Variants in CSNK1G1 observed in about 807,000 individuals in gnomAD.
CSNK1G1 encodes the protein casein kinase 1 gamma 1.
CSNK1G1 carries 22 observed loss-of-function variants against 59.6 expected under a neutral mutation model. The ratio of observed to expected loss-of-function variants is 0.37; its 90% CI spans 0.26 to 0.53. The LOEUF is 0.53. Among genes scored for constraint, CSNK1G1 ranks in the 20% least tolerant of loss-of-function variants. The pLI, the probability that CSNK1G1 is intolerant of heterozygous loss-of-function variation, is 0.89. For synonymous variants in CSNK1G1, 179 were observed against 177.1 expected, an observed-to-expected ratio of 1.01 and a Z score of -0.08; for missense variants, 384 against 519.5, an observed-to-expected ratio of 0.74 and a Z score of 2.54.
At chr15:64,245,724 G>A (rs1456661321) in intron 4 of CSNK1G1, among the ~76,000 whole-genome samples, 1 of 151,160 alleles carries the variant, frequency 6.6e-6, no homozygotes, top group Non-Finnish European at 1.5e-5. Context: ...GGGCAGTATA[G>A]CGAGACCCCG....
chr15:64,235,937 GA>G (rs2082608314), intron 4 of CSNK1G1, among the ~76,000 whole-genome samples: 1 of 152,078 alleles, frequency 6.6e-6, no homozygotes, highest in African/African-American at 2.4e-5. Context: ...ATAACAGGTA[GA>G]AAACTGTTAG....
chr15:64,276,150 G>A (rs1275901399), intron 2 of CSNK1G1, among the ~76,000 whole-genome samples: 1 of 152,088 alleles, frequency 6.6e-6, no homozygotes, highest in Non-Finnish European at 1.5e-5. Context: ...TTTATAAATA[G>A]CATCAAAGCA....
chr15:64,295,515 G>A (rs1284496937), intron 2 of CSNK1G1, among the ~76,000 whole-genome samples: 1 of 152,106 alleles, frequency 6.6e-6, no homozygotes, highest in Non-Finnish European at 1.5e-5. Flanking sequence ...TCAGAGCTAA[G>A]ACCAAAGGCC....
rs1555497148 is a variant in CSNK1G1 at position 64,169,233 on chromosome 15, C to CA, written c.*2697_*2698insT. 6.9e-6 allele frequency: 1 copy of CA among 145,664 alleles called. No homozygotes were observed. The highest frequency in any genetic ancestry group is 6.8e-5 in the Admixed American group (1 of 14,632). The allele number at this position is 145,664 out of a possible 1,614,324, so 9.0% of individuals were successfully genotyped here. A position where few individuals can be genotyped will look rare whatever the true frequency, so the allele number is the denominator to read the frequency against. On this transcript the variant is annotated 3_prime_UTR_variant, in exon 12 of 12. Coordinates refer to ENST00000303052, the MANE Select transcript of CSNK1G1 (RefSeq NM_022048.5). Reference sequence around the variant, plus strand: ...GGCATTCCCACCATTTCCCTCTGCCCTTTTTTTTTTTTCTTTTTAGACAGA... The same window carrying CA: ...GGCATTCCCACCATTTCCCTCTGCCCATTTTTTTTTTTTCTTTTTAGACAGA...
rs957201559 is a variant in CSNK1G1, at chr15:64,293,042, T to C, written c.181+7277A>G. On this transcript the variant is annotated intron_variant, in intron 2 of 11. Transcript: ENST00000303052. Reference sequence around the variant, plus strand: ...TTTTCTTAACTCTAGAGGAAAATAATTTTATTTTAATGTTTACATGATTCT... The same window carrying C: ...TTTTCTTAACTCTAGAGGAAAATAACTTTATTTTAATGTTTACATGATTCT... Among the ~76,000 whole-genome samples the C allele has an allele frequency of 9.2e-5, 14 of 152,178 alleles. 1 individual carries two copies. Among genetic ancestry groups the C allele is most frequent in the Admixed American group, 8.5e-4 (13 of 15,274 alleles).
intron 10 of CSNK1G1, chr15:64,181,093 T>C: frequency 7.3e-7 from 1 of 1,367,266 alleles, no homozygotes; most frequent in Middle Eastern, 2.4e-4. Flanking sequence ...CTTTGAGCAC[T>C]GGTTCGAAGT....
rs1425696069 is a variant in CSNK1G1 at position 64,166,106 on chromosome 15, A to G, written c.*5825T>C. The G allele has an allele frequency of 3.3e-6, 2 of 612,004 alleles. No individual in the cohort carries two copies. The highest frequency in any genetic ancestry group is 3.8e-5 in the African/African-American group (2 of 52,926). 37.9% of individuals were successfully genotyped at this position (612,004 alleles called of 1,614,324 possible). A position where few individuals can be genotyped will look rare whatever the true frequency, so the allele number is the denominator to read the frequency against. ...CTAAAAAAAAAAAAAGTAAAAAAAG[A>G]GGCATTTAACAATAATCAGACACAT... On this transcript the variant is annotated 3_prime_UTR_variant, in exon 12 of 12. Transcript: ENST00000303052. The surrounding 1 kb of genome is among the most constrained non-coding windows in gnomAD (Gnocchi z 4.5).
Position 64,259,180 on chromosome 15 carries a change from C to A in CSNK1G1, c.222+21G>T, listed in dbSNP as rs749272473. 5 of 1,572,182 alleles carry A rather than the reference C, an allele frequency of 3.2e-6. No individual in the cohort carries two copies. The African/African-American group carries it at 6.8e-5, about 21-fold the overall frequency. ...AATGGGAGCACCAAAACATTAATTA[C>A]CACAAACAGATTCTACTCACCAGTT... On this transcript the variant is annotated intron_variant, in intron 3 of 11. Transcript: ENST00000303052.
At chr15:64,203,794 C>T (rs927669990) in intron 9 of CSNK1G1, among the ~76,000 whole-genome samples, 3 of 151,238 alleles carry the variant, frequency 2.0e-5, no homozygotes, top group Admixed American at 2.0e-4. Flanking sequence ...TCCTATGATG[C>T]TGGGTTCCAC....
At chr15:64,298,587 G>C (rs1895148429) in intron 2 of CSNK1G1, among the ~76,000 whole-genome samples, 4 of 152,148 alleles carry the variant, frequency 2.6e-5, no homozygotes, top group Admixed American at 1.3e-4. Context: ...TGAATTTCCA[G>C]GTTGTCAGCC....
chr15:64,355,471 TAGAGG>T (rs1476716722), intron 1 of CSNK1G1, among the ~76,000 whole-genome samples: 3 of 152,048 alleles, frequency 2.0e-5, no homozygotes, highest in East Asian at 1.9e-4. Flanking sequence ...GGAAGTTGGG[TAGAGG>T]AAAGTCTCAT....
intron 4 of CSNK1G1, among the ~76,000 whole-genome samples, chr15:64,225,083 A>G (rs2082441011): frequency 7.0e-6 from 1 of 143,638 alleles, no homozygotes; most frequent in African/African-American, 2.7e-5. Context: ...ATTTTGGGTC[A>G]CTGCAACCTC....
intron 2 of CSNK1G1, among the ~76,000 whole-genome samples, chr15:64,266,232 T>C (rs1892979210): frequency 1.3e-5 from 2 of 152,056 alleles, no homozygotes; most frequent in South Asian, 2.1e-4. Flanking sequence ...CTGCTAATTT[T>C]TGAATTTTTA....
At position 64,188,269 on chromosome 15, in the gene CSNK1G1, C is replaced by G; in HGVS notation, c.1108-7815G>C. 1 of 743,484 alleles carries G rather than the reference C, an allele frequency of 1.3e-6. No homozygotes were observed. Among genetic ancestry groups the G allele is most frequent in the Non-Finnish European group, 2.1e-6 (1 of 468,472 alleles). The allele number at this position is 743,484 out of a possible 1,614,324, so 46.1% of individuals were successfully genotyped here. A position where few individuals can be genotyped will look rare whatever the true frequency, so the allele number is the denominator to read the frequency against. On this transcript the variant is annotated intron_variant, in intron 10 of 11. Coordinates refer to ENST00000303052, the MANE Select transcript of CSNK1G1 (RefSeq NM_022048.5). This position sits in a 1 kb window ranked among gnomAD's most constrained non-coding sequence, Gnocchi z 4.2. ...AATCTACAGAGATATTCAATTAGCC[C>G]TTCCTGTAAGCTTCCTTTCTAAGGC...
In CSNK1G1 at chr15:64,278,350, G is replaced by T. The variant is rs142399657; in HGVS notation, c.182-19109C>A. On this transcript the variant is annotated intron_variant, in intron 2 of 11. Transcript: ENST00000303052. ...GCGTGAGTCACCACACCCAGTCCAGGGGTAAAAGTATATATGCATGTATGT... is the reference window on the plus strand; with the variant it reads ...GCGTGAGTCACCACACCCAGTCCAGTGGTAAAAGTATATATGCATGTATGT... Among the ~76,000 whole-genome samples, 637 of 150,592 alleles carry T rather than the reference G, an allele frequency of 4.2e-3. 2 individuals are homozygous for T. Among genetic ancestry groups the T allele is most frequent in the African/African-American group, 0.015 (601 of 41,100 alleles).
chr15:64,178,300 C>T (rs1446686457), intron 11 of CSNK1G1, among the ~76,000 whole-genome samples: 1 of 152,126 alleles, frequency 6.6e-6, no homozygotes, highest in East Asian at 1.9e-4. Context: ...ATGGCCTTTT[C>T]CTGGCATAAC....
chr15:64,177,880 C>T (rs558917431), intron 11 of CSNK1G1, among the ~76,000 whole-genome samples: 2 of 152,322 alleles, frequency 1.3e-5, no homozygotes, highest in African/African-American at 4.8e-5. Flanking sequence ...AAATCCAAAG[C>T]TAAACTTCTA....
At chr15:64,289,591 T>C (rs531330951) in intron 2 of CSNK1G1, among the ~76,000 whole-genome samples, 3 of 152,186 alleles carry the variant, frequency 2.0e-5, no homozygotes, top group South Asian at 4.1e-4. Flanking sequence ...TGGGACTTAA[T>C]TAAACTAAAA....
chr15:64,326,544 C>T (rs921364811), intron 1 of CSNK1G1, among the ~76,000 whole-genome samples: 8 of 151,676 alleles, frequency 5.3e-5, no homozygotes, highest in Non-Finnish European at 4.4e-5. Context: ...CTCAGGAGGC[C>T]GAAGCAGGAG....
Sources: gnomAD v4.1 joint callset for allele counts (sites outside exome capture counted in the v4.1 genomes callset) on GRCh38, gnomAD v4.1.1 for gene constraint, Gnocchi (gnomAD v3.1) non-coding constraint, MANE v1.5 for transcripts, NCBI Gene and HGNC (gene_info 2026-07-23, HGNC 2026-07-21) for gene names.